CNKSR3: variants seen among roughly 807,000 people sequenced by gnomAD.
The protein encoded by CNKSR3 is CNKSR family member 3.
CNKSR3 carries 36 observed loss-of-function variants against 67.7 expected under a neutral mutation model. That is an observed-to-expected ratio of 0.53 (90% CI 0.41 to 0.70). The LOEUF is 0.70. CNKSR3 is among the 30% of genes least tolerant of loss of function. The pLI, the probability that CNKSR3 is intolerant of heterozygous loss-of-function variation, is 0.00. For missense variants in CNKSR3, 630 were observed against 695.2 expected, an observed-to-expected ratio of 0.91 and a Z score of 1.05; for synonymous variants, 281 against 271.4, an observed-to-expected ratio of 1.04 and a Z score of -0.35.
chr6:154,398,716 A>G lies in CNKSR3; in HGVS notation c.*7638T>C, dbSNP rs887159532. The G allele has an allele frequency of 6.6e-6, 1 of 152,208 alleles. No homozygotes were observed. Among genetic ancestry groups the G allele is most frequent in the African/African-American group, 2.4e-5 (1 of 41,448 alleles). The allele number at this position is 152,208 out of a possible 1,614,324, so 9.4% of individuals were successfully genotyped here. On this transcript the variant is annotated 3_prime_UTR_variant, in exon 13 of 13. Transcript: ENST00000607772. ...GCTCCGATTCCCTTTGTTTTCATAT[A>G]CGATTTCATTGAAGGAAGTGGAAGG...
chr6:154,432,224 A>G (rs1785384947), intron 5 of CNKSR3, among the ~76,000 whole-genome samples: 1 of 152,118 alleles, frequency 6.6e-6, no homozygotes, highest in South Asian at 2.1e-4. Context: ...GCGGTATCTC[A>G]TTGTTGTTTT....
Position 154,422,617 on chromosome 6 carries a change from C to A in CNKSR3, c.834G>T (p.Leu278Phe). 1 of 1,613,632 alleles carries A rather than the reference C, an allele frequency of 6.2e-7. No individual in the cohort carries two copies. The highest frequency in any genetic ancestry group is 1.1e-5 in the South Asian group (1 of 91,048). ...GWQLKNLVKKLRENPTGVVLL... is the reference protein window; with the variant it reads ...GWQLKNLVKKFRENPTGVVLL... Reference sequence around the variant, plus strand: ...ACACAACTCCGGTGGGATTCTCTCTCAATTTCTTCACCAGATTTTTCAGCT... The same window carrying A: ...ACACAACTCCGGTGGGATTCTCTCTAAATTTCTTCACCAGATTTTTCAGCT... Residue 278 changes from leucine to phenylalanine, a missense_variant, in exon 9 of 13, where the codon TTG becomes TTT. By Grantham distance (22) the Leu-to-Phe change is conservative. Around this residue, in one of 3 missense-constraint regions of CNKSR3, gnomAD observed 133 missense variants for 190.6 expected, o/e 0.70. Coordinates refer to ENST00000607772, the MANE Select transcript of CNKSR3 (RefSeq NM_173515.4).
intron 1 of CNKSR3, among the ~76,000 whole-genome samples, chr6:154,493,550 A>G (rs1186474441): frequency 6.6e-6 from 1 of 152,208 alleles, no homozygotes; most frequent in Non-Finnish European, 1.5e-5. Flanking sequence ...TTTAGTTAAC[A>G]GGCAATGGGT....
intron 1 of CNKSR3, among the ~76,000 whole-genome samples, chr6:154,454,447 G>A (rs1191757750): frequency 6.6e-6 from 1 of 152,138 alleles, no homozygotes; most frequent in African/African-American, 2.4e-5. Context: ...AGCACTTTGG[G>A]AGGCCAAGGC....
chr6:154,421,465 A>T lies in CNKSR3; in HGVS notation c.945+1041T>A, dbSNP rs371186301. Reference sequence around the variant, plus strand: ...CAAAAATAGTCACAAATAAACCATAATCTCAATCTTATAAAAGGGCATTAT... The same window carrying T: ...CAAAAATAGTCACAAATAAACCATATTCTCAATCTTATAAAAGGGCATTAT... On this transcript the variant is annotated intron_variant, in intron 9 of 12. Transcript: ENST00000607772. 8.1e-4 allele frequency among the ~76,000 whole-genome samples: 123 copies of T among 152,346 alleles called. 4 individuals are homozygous for T. In the South Asian group the frequency reaches 0.025, roughly 31 times the overall value.
chr6:154,508,012 C>A (rs1399240619), intron 1 of CNKSR3, among the ~76,000 whole-genome samples: 1 of 151,942 alleles, frequency 6.6e-6, no homozygotes, highest in African/African-American at 2.4e-5. Flanking sequence ...AGATCTCACT[C>A]CATAATCTTC....
rs547803204 is a variant in CNKSR3 at position 154,447,056 on chromosome 6, G to A, written c.216+3039C>T. ...CCTGACCTTGTGATCCGCCTGCCTC[G>A]GCCTCCCAAAGTGCTGAGATTACAG... On this transcript the variant is annotated intron_variant, in intron 2 of 12. Transcript: ENST00000607772. Among the ~76,000 whole-genome samples the A allele has an allele frequency of 8.5e-5, 13 of 152,102 alleles. 1 individual carries two copies. Among genetic ancestry groups the A allele is most frequent in the South Asian group, 4.2e-4 (2 of 4,812 alleles).
intron 5 of CNKSR3, among the ~76,000 whole-genome samples, chr6:154,431,665 C>A (rs980830725): frequency 1.3e-5 from 2 of 151,954 alleles, no homozygotes; most frequent in African/African-American, 4.8e-5. Context: ...TCCACCACCC[C>A]ATCCCTCACC....
chr6:154,419,071 C>T (rs1408839393), intron 9 of CNKSR3, among the ~76,000 whole-genome samples: 1 of 140,278 alleles, frequency 7.1e-6, no homozygotes, highest in Non-Finnish European at 1.5e-5. Context: ...GACAAGGTCT[C>T]ACTCTGTCAC....
intron 1 of CNKSR3, among the ~76,000 whole-genome samples, chr6:154,478,155 C>T (rs569017189): frequency 6.6e-6 from 1 of 152,284 alleles, no homozygotes. Flanking sequence ...CAAGCAAAGG[C>T]CTCCCAAAGC....
chr6:154,441,411 G>A, intron 3 of CNKSR3, 32 bp from the exon 4 acceptor site: 1 of 1,533,220 alleles, frequency 6.5e-7, no homozygotes, highest in South Asian at 1.1e-5. Flanking sequence ...CTTAAAAAGG[G>A]GTAGGGAGAA....
chr6:154,499,912 G>C (rs1786948514), intron 1 of CNKSR3, among the ~76,000 whole-genome samples: 1 of 152,158 alleles, frequency 6.6e-6, no homozygotes, highest in Non-Finnish European at 1.5e-5. Flanking sequence ...TGTGTCTCCA[G>C]GCATCTTAAT....
intron 1 of CNKSR3, among the ~76,000 whole-genome samples, chr6:154,463,691 C>T (rs932176210): frequency 2.6e-5 from 4 of 152,168 alleles, no homozygotes; most frequent in African/African-American, 9.7e-5. Context: ...TGATATGAAT[C>T]TCTAGGGTCC....
At chr6:154,489,517 T>A (rs1218396958) in intron 1 of CNKSR3, among the ~76,000 whole-genome samples, 1 of 148,480 alleles carries the variant, frequency 6.7e-6, no homozygotes, top group African/African-American at 2.5e-5. Flanking sequence ...GGTGACCAAG[T>A]GAGAGTCCAT....
At chr6:154,477,534 T>C (rs1417401691) in intron 1 of CNKSR3, among the ~76,000 whole-genome samples, 1 of 151,916 alleles carries the variant, frequency 6.6e-6, no homozygotes, top group Non-Finnish European at 1.5e-5. Flanking sequence ...TTGGTCAGGC[T>C]GGTCTCGAAC....
chr6:154,413,265 T>C (rs1240413295), intron 10 of CNKSR3, among the ~76,000 whole-genome samples: 2 of 152,080 alleles, frequency 1.3e-5, no homozygotes, highest in Non-Finnish European at 2.9e-5. Context: ...CACTCTGTTG[T>C]CCAGGCTGGA....
rs1784658405 is a variant in CNKSR3 at position 154,396,077 on chromosome 6, T to C, written c.*10277A>G. ...TGGTTTCCTCAGGTCCAAATCCCTC[T>C]CCTTCAATCAAATGTTATACAACTG... is the stretch of plus-strand genomic sequence containing the variant. On this transcript the variant is annotated 3_prime_UTR_variant, in exon 13 of 13. Transcript: ENST00000607772. The C allele has an allele frequency of 6.6e-6, 1 of 152,190 alleles. No homozygotes were observed. The highest frequency in any genetic ancestry group is 2.4e-5 in the African/African-American group (1 of 41,440). The allele number at this position is 152,190 out of a possible 1,614,324, so 9.4% of individuals were successfully genotyped here. A position where few individuals can be genotyped will look rare whatever the true frequency, so the allele number is the denominator to read the frequency against.
Position 154,392,686 on chromosome 6 carries a change from T to C in CNKSR3, c.*13668A>G, listed in dbSNP as rs11758486. ...AACACTGCAAACTAGCAGCAGGATT[T>C]GCTTCATTAGCATCGATGTTTGGGG... is the stretch of plus-strand genomic sequence containing the variant. On this transcript the variant is annotated 3_prime_UTR_variant, in exon 13 of 13. Transcript: ENST00000607772. 909 of 152,388 alleles carry C rather than the reference T, an allele frequency of 6.0e-3. 8 individuals carry two copies. The highest frequency in any genetic ancestry group is 7.7e-3 in the South Asian group (37 of 4,828). 9.4% of individuals were successfully genotyped at this position (152,388 alleles called of 1,614,324 possible).
At chr6:154,458,905 C>T (rs1332301681) in intron 1 of CNKSR3, among the ~76,000 whole-genome samples, 2 of 152,096 alleles carry the variant, frequency 1.3e-5, no homozygotes, top group African/African-American at 2.4e-5. Context: ...GGAAAGCTGC[C>T]GTGCTTCTTT....
Sources: allele counts gnomAD v4.1 joint callset (sites outside exome capture counted in the v4.1 genomes callset), GRCh38; gene constraint gnomAD v4.1.1; regional missense constraint gnomAD v4.1.1; transcripts MANE v1.5; gene names NCBI Gene and HGNC (gene_info 2026-07-23, HGNC 2026-07-21).